FRMD8: variants seen among roughly 807,000 people sequenced by gnomAD.
FRMD8 encodes the protein FERM domain containing 8.
FRMD8 carries 37 observed loss-of-function variants against 54.2 expected under a neutral mutation model. That is an observed-to-expected ratio of 0.68 (90% confidence interval 0.53 to 0.90). The LOEUF (loss-of-function observed/expected upper bound fraction) is 0.90. Among genes scored for constraint, FRMD8 ranks in the 40% least tolerant of loss-of-function variants. The pLI, the probability that FRMD8 is intolerant of heterozygous loss-of-function variation, is 0.00. For synonymous variants in FRMD8, 246 were observed against 286.9 expected, an observed-to-expected ratio of 0.86 and a Z score of 1.44; for missense variants, 585 against 653.7, an observed-to-expected ratio of 0.89 and a Z score of 1.15.
At chr11:65,372,381 G>A in the FRMD8 span, among the ~76,000 whole-genome samples, 1 of 152,060 alleles carries the variant, frequency 6.6e-6, no homozygotes, top group Admixed American at 6.6e-5. Flanking sequence ...TGCTCTCCCA[G>A]CCCAGTGGGT....
chr11:65,411,397 C>T lies in FRMD8; in HGVS notation c.*37C>T, dbSNP rs755742529. ...CCGGCAGGAGGAGGGCGACTGGGGG[C>T]CCTGGCCCGGCACTGTCCTCCTGAG... is the stretch of plus-strand genomic sequence containing the variant. On this transcript the variant is annotated 3_prime_UTR_variant, in exon 11 of 11. Transcript: ENST00000317568. The T allele has an allele frequency of 2.8e-6, 4 of 1,424,500 alleles. No individual in the cohort carries two copies. In the East Asian group the frequency reaches 1.0e-4, roughly 36 times the overall value. The allele number at this position is 1,424,500 out of a possible 1,614,324, so 88.2% of individuals were successfully genotyped here.
At chr11:65,379,618 C>T in the FRMD8 span, 8 of 1,518,308 alleles carry the variant, frequency 5.3e-6, no homozygotes, top group Non-Finnish European at 7.1e-6. Flanking sequence ...CCTTTGTCCT[C>T]TCCACCCCTG....
chr11:65,407,054 A>T (rs1856214831), intron 10 of FRMD8, among the ~76,000 whole-genome samples: 1 of 152,206 alleles, frequency 6.6e-6, no homozygotes. Flanking sequence ...AAAGAATTTT[A>T]GTTAACAGAT....
chr11:65,386,372 G>A (rs897060400), upstream of FRMD8, among the ~76,000 whole-genome samples: 2 of 152,286 alleles, frequency 1.3e-5, no homozygotes, highest in South Asian at 4.1e-4. Flanking sequence ...GCAGGCCAAC[G>A]CCCCTAGCCT....
In FRMD8 at chr11:65,396,851, C is replaced by G. The variant is rs1314847488; in HGVS notation, c.634C>G (p.Leu212Val). Residue 212 changes from leucine to valine, a missense_variant, in exon 7 of 11, where the codon CTC becomes GTC. By Grantham distance (32) the Leu-to-Val change is conservative. Transcript: ENST00000317568. ...PAHLCKRGQSLFAALRGRGAR... is the reference protein window; with the variant it reads ...PAHLCKRGQSVFAALRGRGAR... The stretch of plus-strand genomic sequence containing the variant: ...CCACCTCTGTAAGCGGGGCCAGAGT[C>G]TCTTTGCTGCCCTCCGGGGCCGTGG... 1.3e-6 allele frequency: 2 copies of G among 1,564,794 alleles called. No individual in the cohort carries two copies. The highest frequency in any genetic ancestry group is 1.7e-6 in the Non-Finnish European group (2 of 1,155,742).
At chr11:65,376,491 C>T in the FRMD8 span, 11 of 1,614,032 alleles carry the variant, frequency 6.8e-6, no homozygotes, top group Non-Finnish European at 9.3e-6. Context: ...TGATGGTGAC[C>T]CCCCGGAAGA....
chr11:65,402,545 A>T (rs562224690), intron 9 of FRMD8, among the ~76,000 whole-genome samples: 7 of 152,300 alleles, frequency 4.6e-5, no homozygotes, highest in African/African-American at 1.4e-4. Flanking sequence ...TAGTCTGATA[A>T]CCAGAACTTT....
chr11:65,411,632 C>G lies in FRMD8; in HGVS notation c.*272C>G. 2.9e-6 allele frequency: 1 copy of G among 340,650 alleles called. No homozygotes were observed. The highest frequency in any genetic ancestry group is 4.7e-5 in the East Asian group (1 of 21,298). The allele number at this position is 340,650 out of a possible 1,614,324, so 21.1% of individuals were successfully genotyped here. ...TGCTGCTCTCTCAGGACCATCCGATCAAGCTGCAGCTGCCACCCTCACCTA... is the reference window on the plus strand; with the variant it reads ...TGCTGCTCTCTCAGGACCATCCGATGAAGCTGCAGCTGCCACCCTCACCTA... On this transcript the variant is annotated 3_prime_UTR_variant, in exon 11 of 11. Transcript: ENST00000317568.
intron 10 of FRMD8, among the ~76,000 whole-genome samples, chr11:65,410,066 C>CA (rs200413195): frequency 6.9e-4 from 101 of 146,090 alleles, no homozygotes; most frequent in African/African-American, 1.5e-3. Flanking sequence ...CAGCTTGTCT[C>CA]AAAAAAAAAA....
At chr11:65,385,050 C>A (rs1484435378), upstream of FRMD8, among the ~76,000 whole-genome samples, 1 of 152,186 alleles carries the variant, frequency 6.6e-6, no homozygotes, top group Non-Finnish European at 1.5e-5. Flanking sequence ...AATTAAACCA[C>A]AACAGACACT....
chr11:65,409,362 C>T (rs920006640), intron 10 of FRMD8, among the ~76,000 whole-genome samples: 1 of 152,018 alleles, frequency 6.6e-6, no homozygotes, highest in African/African-American at 2.4e-5. Context: ...GCTAGGATTA[C>T]AGGAATAAGC....
the FRMD8 span, chr11:65,379,668 C>A: frequency 7.5e-7 from 1 of 1,332,774 alleles, no homozygotes. Flanking sequence ...CCAAGTCCTG[C>A]CACAGGGAAG....
the FRMD8 span, chr11:65,380,880 G>C: frequency 3.4e-6 from 1 of 290,516 alleles, no homozygotes; most frequent in Non-Finnish European, 6.9e-6. Flanking sequence ...GTGGGGCAGA[G>C]GCCCAGAGGG....
Position 65,389,528 on chromosome 11 carries a change from G to T in FRMD8, c.253G>T (p.Glu85Ter). Residue 85 changes from glutamate (E) to a stop codon, truncating the protein, a stop_gained and splice_region_variant, in exon 3 of 11, where the codon GAG becomes TAG. Transcript: ENST00000317568. LOFTEE classifies it high-confidence loss of function. Reference protein sequence around the residue: ...FALWLVSPLLEVQLKPKHQPY... With the variant: ...FALWLVSPLL ...GCTCTGGCTGGTCTCCCCTCTGCTG[G>T]GTAAGGCTTGGCAGTGAGGAGCCCA... is the stretch of plus-strand genomic sequence containing the variant. 4 of 1,572,790 alleles carry T rather than the reference G, an allele frequency of 2.5e-6. No homozygotes were observed. Among genetic ancestry groups the T allele is most frequent in the Non-Finnish European group, 3.4e-6 (4 of 1,164,328 alleles).
In FRMD8 at chr11:65,400,822, C is replaced by G. The variant is rs373329806; in HGVS notation, c.1026C>G (p.Ser342Arg). The change falls in exon 9 of 11, where the codon AGC becomes AGG. Residue 342 changes from serine to arginine, a missense_variant. Physicochemically the swap from Ser to Arg is moderately radical, Grantham distance 110. Transcript: ENST00000317568. The surrounding 1 kb of genome is among the most constrained non-coding windows in gnomAD (Gnocchi z 4.3). ...PILWLEFDGD[S>R]EGTPVNKLLK... is the part of the protein sequence containing the mutation. ...TGTGGCTGGAGTTCGACGGGGACAG[C>G]GAGGGCACACCTGTCAACAAGCTCC... is the stretch of plus-strand genomic sequence containing the variant. 1 of 1,612,700 alleles carries G rather than the reference C, an allele frequency of 6.2e-7. No homozygotes were observed. Among genetic ancestry groups the G allele is most frequent in the East Asian group, 2.2e-5 (1 of 44,846 alleles).
the FRMD8 span, chr11:65,380,418 G>T: frequency 1.1e-6 from 1 of 949,716 alleles, no homozygotes; most frequent in Non-Finnish European, 1.6e-6. Context: ...ACCTGAGGAT[G>T]CACACCCAAG....
intron 3 of FRMD8, among the ~76,000 whole-genome samples, chr11:65,391,726 G>A (rs1855850246): frequency 6.6e-6 from 1 of 152,126 alleles, no homozygotes; most frequent in South Asian, 2.1e-4. Context: ...GAGCAGGCTG[G>A]TCTCGAACTT....
chr11:65,397,875 C>CTT (rs71064881), intron 7 of FRMD8, among the ~76,000 whole-genome samples: 4 of 106,776 alleles, frequency 3.7e-5, no homozygotes, highest in Admixed American at 2.9e-4. Flanking sequence ...ATTTTTCTTT[C>CTT]TTTTTTTTTT....
Position 65,389,503 on chromosome 11 carries a change from G to C in FRMD8, c.228G>C (p.Ala76=). Residue 76 remains alanine, a synonymous_variant, in exon 3 of 11, where the codon GCG becomes GCC. Coordinates refer to ENST00000317568, the MANE Select transcript of FRMD8 (RefSeq NM_031904.5). ...QLPDIALDVF[A]LWLVSPLLEV... ...CAGACATCGCCCTGGATGTCTTCGC[G>C]CTCTGGCTGGTCTCCCCTCTGCTGG... The C allele has an allele frequency of 1.3e-6, 2 of 1,599,056 alleles. No homozygotes were observed. Among genetic ancestry groups the C allele is most frequent in the Non-Finnish European group, 1.7e-6 (2 of 1,176,562 alleles).
Sources: allele counts gnomAD v4.1 joint callset (sites outside exome capture counted in the v4.1 genomes callset), GRCh38; gene constraint gnomAD v4.1.1; non-coding constraint Gnocchi (gnomAD v3.1); transcripts MANE v1.5; gene names NCBI Gene and HGNC (gene_info 2026-07-23, HGNC 2026-07-21).